The following MACROD2 variants were observed in gnomAD, a reference collection of about 807,000 sequenced individuals.
MACROD2 encodes the protein ADP-ribose glycohydrolase MACROD2.
In MACROD2, 36 loss-of-function variants were observed where a neutral mutation model predicts 70.4. The ratio of observed to expected loss-of-function variants is 0.51; its 90% CI spans 0.39 to 0.68. The LOEUF is 0.68. Among genes scored for constraint, MACROD2 ranks in the 30% least tolerant of loss-of-function variants. The probability of loss-of-function intolerance (pLI) is 0.00; values close to 1 mark genes in which losing one functional copy is unlikely to be tolerated. For synonymous variants in MACROD2, 172 were observed against 178.8 expected (o/e 0.96, Z 0.30); for missense variants, 496 against 538.4 (o/e 0.92, Z 0.78).
intron 5 of MACROD2, among the ~76,000 whole-genome samples, chr20:14,955,368 A>G (rs187559998): frequency 1.2e-4 from 18 of 147,932 alleles, no homozygotes; most frequent in Admixed American, 1.1e-3. Context: ...GCTGTATATA[A>G]CTATAGTTAT....
chr20:15,312,397 T>C (rs970415652), intron 6 of MACROD2, among the ~76,000 whole-genome samples: 65 of 152,294 alleles, frequency 4.3e-4, no homozygotes, highest in Middle Eastern at 6.8e-3. Flanking sequence ...GGGATTTGCT[T>C]CAAAATAACC....
At chr20:15,646,234 T>C (rs2049538945) in intron 8 of MACROD2, among the ~76,000 whole-genome samples, 1 of 152,194 alleles carries the variant, frequency 6.6e-6, no homozygotes, top group Non-Finnish European at 1.5e-5. Context: ...CTTATCATTT[T>C]TAAAATCTGT....
intron 10 of MACROD2, among the ~76,000 whole-genome samples, chr20:15,914,205 G>C (rs115041247): frequency 6.6e-6 from 1 of 152,246 alleles, no homozygotes; most frequent in Non-Finnish European, 1.5e-5. Flanking sequence ...CCTGGACAGA[G>C]AATCGGTCCC....
intron 5 of MACROD2, among the ~76,000 whole-genome samples, chr20:15,226,595 T>C (rs1310772275): frequency 6.6e-6 from 1 of 152,154 alleles, no homozygotes; most frequent in African/African-American, 2.4e-5. Flanking sequence ...CTCTAACATG[T>C]TCTCAATGGA....
At chr20:15,071,153 A>C (rs1346651069) in intron 5 of MACROD2, among the ~76,000 whole-genome samples, 1 of 152,154 alleles carries the variant, frequency 6.6e-6, no homozygotes, top group Non-Finnish European at 1.5e-5. Flanking sequence ...AGTTTTGTAC[A>C]GTTGTTGATG....
At chr20:16,031,956 G>A (rs2067157625) in intron 15 of MACROD2, among the ~76,000 whole-genome samples, 1 of 151,942 alleles carries the variant, frequency 6.6e-6, no homozygotes, top group African/African-American at 2.4e-5. Context: ...TTTTTTTCTG[G>A]GAAGGTAATA....
intron 10 of MACROD2, among the ~76,000 whole-genome samples, chr20:15,932,588 C>T (rs2065596585): frequency 6.6e-6 from 1 of 151,936 alleles, no homozygotes; most frequent in Admixed American, 6.6e-5. Context: ...ATTTGGAGAC[C>T]CTCCCAGCAA....
intron 3 of MACROD2, among the ~76,000 whole-genome samples, chr20:14,193,694 T>A (rs75648273): frequency 4.8e-4 from 73 of 152,198 alleles, no homozygotes; most frequent in African/African-American, 1.7e-3. Flanking sequence ...GATGAAACAT[T>A]GATTGAAGCA....
chr20:14,938,071 A>G (rs4435521), intron 5 of MACROD2, among the ~76,000 whole-genome samples: 2 of 137,892 alleles, frequency 1.5e-5, no homozygotes, highest in African/African-American at 2.7e-5. Flanking sequence ...CATATACCAT[A>G]TTTTCTTTAT....
At chr20:15,552,156 T>C (rs960238107) in intron 8 of MACROD2, 2 of 152,204 alleles carry the variant, frequency 1.3e-5, no homozygotes, top group African/African-American at 4.8e-5. Flanking sequence ...CTTCTCTTTT[T>C]TGGAAGACAG....
At chr20:15,969,107 A>C (rs772009870) in intron 13 of MACROD2, among the ~76,000 whole-genome samples, 15 of 152,030 alleles carry the variant, frequency 9.9e-5, no homozygotes, top group Non-Finnish European at 2.1e-4. Context: ...AGGAAGAATG[A>C]ACGAGCAGTA....
In MACROD2 at chr20:13,995,528, G is replaced by A. The variant is rs2052622898; in HGVS notation, c.-236G>A. The A allele has an allele frequency of 6.5e-6, 4 of 618,158 alleles. No individual in the cohort carries two copies. The Admixed American group carries it at 7.4e-5, about 11-fold the overall frequency. The allele number at this position is 618,158 out of a possible 1,614,324, so 38.3% of individuals were successfully genotyped here. A position where few individuals can be genotyped will look rare whatever the true frequency, so the allele number is the denominator to read the frequency against. ...GCGTGACCTAGTTGACAGGCTCTGA[G>A]GTGCTGCTGTGGCGGCGTCCGCGGG... On this transcript the variant is annotated 5_prime_UTR_variant, in exon 1 of 18. Transcript: ENST00000684519. This position sits in a 1 kb window ranked among gnomAD's most constrained non-coding sequence, Gnocchi z 4.3.
Position 15,739,959 on chromosome 20 carries a change from TTCTC to T in MACROD2, c.646-122784_646-122781del, listed in dbSNP as rs540901652. 1.6e-3 allele frequency among the ~76,000 whole-genome samples: 251 copies of T among 152,304 alleles called. 1 individual carries two copies. Among genetic ancestry groups the T allele is most frequent in the African/African-American group, 5.7e-3 (238 of 41,576 alleles). ...GTCTGACACATGGGAAACATTCAGTTTCTCTATTAGTCAAGATATGCAAACCACT... is the reference window on the plus strand; with the variant it reads ...GTCTGACACATGGGAAACATTCAGTTTATTAGTCAAGATATGCAAACCACT... On this transcript the variant is annotated intron_variant, in intron 8 of 17. Transcript: ENST00000684519.
chr20:15,480,342 C>T (rs1007879512), intron 7 of MACROD2, among the ~76,000 whole-genome samples: 1 of 152,178 alleles, frequency 6.6e-6, no homozygotes, highest in Non-Finnish European at 1.5e-5. Flanking sequence ...TGCCTCATAA[C>T]CATAGTCACT....
intron 15 of MACROD2, among the ~76,000 whole-genome samples, chr20:16,006,080 G>A (rs1172136584): frequency 1.3e-5 from 2 of 152,172 alleles, no homozygotes; most frequent in African/African-American, 4.8e-5. Context: ...AAGGCTAAGG[G>A]TAACCACAGG....
intron 5 of MACROD2, among the ~76,000 whole-genome samples, chr20:14,976,568 G>A (rs116480884): frequency 0.014 from 2,134 of 152,192 alleles, 55 homozygotes; most frequent in African/African-American, 0.049. Flanking sequence ...TGTCCCTTTC[G>A]CATATAAGGT....
chr20:14,486,535 T>TTTTTTTTA, intron 3 of MACROD2, among the ~76,000 whole-genome samples: 1 of 149,280 alleles, frequency 6.7e-6, no homozygotes, highest in African/African-American at 2.5e-5. Context: ...TTTTTTTTTT[T>TTTTTTTTA]TGAGACAGAG....
chr20:15,398,930 G>A (rs201429723), intron 6 of MACROD2, among the ~76,000 whole-genome samples: 13 of 152,026 alleles, frequency 8.6e-5, no homozygotes, highest in South Asian at 2.1e-4. Flanking sequence ...GATCCTTCTC[G>A]CCTCAGCCTC....
At chr20:15,570,369 G>T (rs2048361705) in intron 8 of MACROD2, among the ~76,000 whole-genome samples, 2 of 152,146 alleles carry the variant, frequency 1.3e-5, no homozygotes, top group South Asian at 4.1e-4. Context: ...TCTGAGCAAA[G>T]TTCTCTAATA....
Sources: gnomAD v4.1 joint callset for allele counts (sites outside exome capture counted in the v4.1 genomes callset) on GRCh38, gnomAD v4.1.1 for gene constraint, Gnocchi (gnomAD v3.1) non-coding constraint, MANE v1.5 for transcripts, NCBI Gene and HGNC (gene_info 2026-07-23, HGNC 2026-07-21) for gene names.